SEMA6D: variants seen among roughly 807,000 people sequenced by gnomAD.
SEMA6D encodes the protein semaphorin 6D.
SEMA6D carries 35 observed loss-of-function variants against 106.6 expected under a neutral mutation model. The ratio of observed to expected loss-of-function variants is 0.33; its 90% CI spans 0.25 to 0.44. The LOEUF is 0.44. SEMA6D is among the 20% of genes least tolerant of loss of function. The probability of loss-of-function intolerance (pLI) is 1.00; values close to 1 mark genes in which losing one functional copy is unlikely to be tolerated. For missense variants in SEMA6D, 1,185 were observed against 1,345.9 expected, an observed-to-expected ratio of 0.88 and a Z score of 1.87; for synonymous variants, 499 against 487.7, an observed-to-expected ratio of 1.02 and a Z score of -0.31.
intron 1 of SEMA6D, among the ~76,000 whole-genome samples, chr15:47,290,088 T>C (rs2035535299): frequency 6.6e-6 from 1 of 152,222 alleles, no homozygotes; most frequent in Non-Finnish European, 1.5e-5. Context: ...CGCAGCATAC[T>C]GCCTATGGGA....
At position 47,367,678 on chromosome 15, in the gene SEMA6D, A is replaced by ACGTGCGCGCGCG. The variant is rs1555428920; in HGVS notation, c.-238-44713_-238-44712insTGCGCGCGCGCG. Among the ~76,000 whole-genome samples, 28 of 137,626 alleles carry ACGTGCGCGCGCG rather than the reference A, an allele frequency of 2.0e-4. No homozygotes were observed. The East Asian group carries it at 2.1e-3, about 10-fold the overall frequency. The allele number at this position is 137,626 out of a possible 152,430, so 90.3% of individuals were successfully genotyped here. ...CCTTCCCCTAAACACGCACGCTCACACGCGCGCGCGCGCGCACACACACAC... is the reference window on the plus strand; with the variant it reads ...CCTTCCCCTAAACACGCACGCTCACACGTGCGCGCGCGCGCGCGCGCGCGCGCACACACACAC... On this transcript the variant is annotated intron_variant, in intron 1 of 19. Coordinates refer to the SEMA6D transcript ENST00000558014.
At chr15:47,268,462 T>C (rs535304532) in intron 1 of SEMA6D, among the ~76,000 whole-genome samples, 13 of 152,126 alleles carry the variant, frequency 8.5e-5, no homozygotes, top group Non-Finnish European at 1.8e-4. Flanking sequence ...TGCAAGTGAG[T>C]GTTAGGAGGG....
chr15:47,442,781 CA>C (rs1291299964), intron 2 of SEMA6D, among the ~76,000 whole-genome samples: 2 of 152,048 alleles, frequency 1.3e-5, no homozygotes, highest in Non-Finnish European at 2.9e-5. Context: ...TGCACCATGA[CA>C]GAGTCACCTT....
At chr15:47,411,252 C>T (rs956173760) in intron 1 of SEMA6D, among the ~76,000 whole-genome samples, 4 of 151,932 alleles carry the variant, frequency 2.6e-5, no homozygotes, top group African/African-American at 7.3e-5. Context: ...CTTGCCACCA[C>T]GCCCGGCTAA....
rs1477493405 is a variant in SEMA6D at position 47,400,438 on chromosome 15, G to A, written c.-238-11955G>A. Among the ~76,000 whole-genome samples, 6 of 142,886 alleles carry A rather than the reference G, an allele frequency of 4.2e-5. 1 individual carries two copies. The highest frequency in any genetic ancestry group is 2.2e-4 in the East Asian group (1 of 4,568). The allele number at this position is 142,886 out of a possible 152,430, so 93.7% of individuals were successfully genotyped here. On this transcript the variant is annotated intron_variant, in intron 1 of 19. Coordinates refer to the SEMA6D transcript ENST00000558014. ...CAGGAGGCAGAGGTTGCAGTGAGCC[G>A]AGATCATGCCACTGCTCTCCAGCCT...
chr15:47,418,862 T>A (rs187915848), intron 2 of SEMA6D, among the ~76,000 whole-genome samples: 25 of 152,230 alleles, frequency 1.6e-4, no homozygotes, highest in Admixed American at 1.0e-3. Flanking sequence ...GAGATGGTAG[T>A]CACAGGATAT....
chr15:47,343,778 G>T (rs1294883376), intron 1 of SEMA6D, among the ~76,000 whole-genome samples: 1 of 152,062 alleles, frequency 6.6e-6, no homozygotes, highest in Non-Finnish European at 1.5e-5. Context: ...ACCCAGTAAT[G>T]GGATGGCTGG....
chr15:47,277,810 T>C (rs1479575402), intron 1 of SEMA6D, among the ~76,000 whole-genome samples: 1 of 150,312 alleles, frequency 6.7e-6, no homozygotes, highest in African/African-American at 2.4e-5. Flanking sequence ...CCCCTTCCTG[T>C]GTCCATGTGT....
intron 1 of SEMA6D, among the ~76,000 whole-genome samples, chr15:47,314,937 C>G (rs2036599991): frequency 7.4e-6 from 1 of 135,760 alleles, no homozygotes; most frequent in South Asian, 2.5e-4. Context: ...GCAATCTCGG[C>G]TCACTGCAAG....
At position 47,764,004 on chromosome 15, in the gene SEMA6D, C is replaced by T; in HGVS notation, c.902C>T (p.Thr301Ile). Reference sequence around the variant, plus strand: ...TACTTTGATGTTCTGCAGTCTATTACAGACATAATACAAATCAATGGCATC... The same window carrying T: ...TACTTTGATGTTCTGCAGTCTATTATAGACATAATACAAATCAATGGCATC... ...FFYFDVLQSI[T>I]DIIQINGIPT... is the part of the protein sequence containing the mutation. Residue 301 changes from threonine to isoleucine, a missense_variant, in exon 10 of 19, where the codon ACA becomes ATA. Around this residue, in one of 3 missense-constraint regions of SEMA6D, gnomAD observed 291 missense variants for 423.8 expected, o/e 0.69. Transcript: ENST00000536845. 1 of 1,613,942 alleles carries T rather than the reference C, an allele frequency of 6.2e-7. No individual in the cohort carries two copies. Among genetic ancestry groups the T allele is most frequent in the Non-Finnish European group, 8.5e-7 (1 of 1,179,878 alleles).
intron 4 of SEMA6D, among the ~76,000 whole-genome samples, chr15:47,699,416 A>C (rs1249131009): frequency 6.6e-6 from 1 of 152,220 alleles, no homozygotes; most frequent in Non-Finnish European, 1.5e-5. Flanking sequence ...GACTTTTCTG[A>C]GGTCAAACAG....
intron 3 of SEMA6D, among the ~76,000 whole-genome samples, chr15:47,552,951 T>C (rs2045803596): frequency 7.4e-6 from 1 of 135,210 alleles, no homozygotes; most frequent in African/African-American, 2.7e-5. Context: ...TCACCCAGGC[T>C]GGAGTGTAGT....
At chr15:47,497,899 G>T (rs2043722299) in intron 3 of SEMA6D, among the ~76,000 whole-genome samples, 1 of 152,150 alleles carries the variant, frequency 6.6e-6, no homozygotes, top group East Asian at 1.9e-4. Flanking sequence ...TTCTACTTCT[G>T]CAGAGTTACC....
Position 47,528,696 on chromosome 15 carries a change from C to T in SEMA6D, c.-87+58151C>T, listed in dbSNP as rs550782644. Among the ~76,000 whole-genome samples, 216 of 152,302 alleles carry T rather than the reference C, an allele frequency of 1.4e-3. 1 individual carries two copies. Among genetic ancestry groups the T allele is most frequent in the African/African-American group, 5.0e-3 (209 of 41,554 alleles). On this transcript the variant is annotated intron_variant, in intron 3 of 19. Transcript: ENST00000558014. ...AGGGAAGTTTGACATATTATTTCCT[C>T]TCATATTGCATTAGCCAGAACTAGG... is the stretch of plus-strand genomic sequence containing the variant.
At chr15:47,226,368 C>G (rs1477895296) in intron 1 of SEMA6D, among the ~76,000 whole-genome samples, 1 of 151,938 alleles carries the variant, frequency 6.6e-6, no homozygotes, top group Non-Finnish European at 1.5e-5. Flanking sequence ...TATGGAAGAC[C>G]TAGAAAACTA....
intron 3 of SEMA6D, among the ~76,000 whole-genome samples, chr15:47,512,775 A>T (rs1851736796): frequency 6.6e-6 from 1 of 152,224 alleles, no homozygotes; most frequent in South Asian, 2.1e-4. Flanking sequence ...TGGATCATAC[A>T]GTCTGACAGA....
intron 3 of SEMA6D, among the ~76,000 whole-genome samples, chr15:47,490,897 A>G (rs1244193876): frequency 6.6e-6 from 1 of 152,232 alleles, no homozygotes; most frequent in Non-Finnish European, 1.5e-5. Flanking sequence ...CAAATCTGCA[A>G]TACAATTTTA....
chr15:47,334,745 T>TGGC (rs1323343448), intron 1 of SEMA6D, among the ~76,000 whole-genome samples: 3 of 152,184 alleles, frequency 2.0e-5, no homozygotes, highest in Non-Finnish European at 4.4e-5. Flanking sequence ...AATTGCTGGG[T>TGGC]GGCTACCTGG....
intron 1 of SEMA6D, among the ~76,000 whole-genome samples, chr15:47,245,313 C>T (rs2033140648): frequency 6.6e-6 from 1 of 152,178 alleles, no homozygotes; most frequent in Non-Finnish European, 1.5e-5. Flanking sequence ...TTTACAATCC[C>T]TCCAGCAGTG....
Sources: gnomAD v4.1 joint callset for allele counts (sites outside exome capture counted in the v4.1 genomes callset) on GRCh38, gnomAD v4.1.1 for gene constraint, gnomAD v4.1.1 regional missense constraint, MANE v1.5 for transcripts, NCBI Gene and HGNC (gene_info 2026-07-23, HGNC 2026-07-21) for gene names.